The following THSD7A variants were observed in gnomAD, a reference collection of about 807,000 sequenced individuals.
The protein encoded by THSD7A is thrombospondin type 1 domain containing 7A.
Under a neutral mutation model 231.3 loss-of-function variants are expected in THSD7A, and 96 were observed. The observed-to-expected ratio is 0.41, with a 90% CI of 0.35 to 0.49. The LOEUF (loss-of-function observed/expected upper bound fraction) is 0.49, where lower values mean the gene tolerates loss of function less well. Among genes scored for constraint, THSD7A ranks in the 20% least tolerant of loss-of-function variants. THSD7A has a pLI of 0.05. For missense variants in THSD7A, 2,290 were observed against 2,070.2 expected (o/e 1.11, Z -2.06); for synonymous variants, 940 against 743.3 (o/e 1.26, Z -4.30).
intron 2 of THSD7A, among the ~76,000 whole-genome samples, chr7:11,624,815 T>C (rs1331425334): frequency 6.6e-6 from 1 of 152,146 alleles, no homozygotes; most frequent in East Asian, 1.9e-4. Context: ...CTAAACAGAA[T>C]TAAAGACATC....
Position 11,549,688 on chromosome 7 carries a change from A to G in THSD7A, c.1454-6571T>C, listed in dbSNP as rs1325343313. Reference sequence around the variant, plus strand: ...AAACTAACACAGGAAAAGAAAACCAATTACTTCATGTTTTCACTTATAAGT... The same window carrying G: ...AAACTAACACAGGAAAAGAAAACCAGTTACTTCATGTTTTCACTTATAAGT... On this transcript the variant is annotated intron_variant, in intron 4 of 27. Coordinates refer to ENST00000423059, the MANE Select transcript of THSD7A (RefSeq NM_015204.3). Among the ~76,000 whole-genome samples, 8 of 152,260 alleles carry G rather than the reference A, an allele frequency of 5.3e-5. No individual in the cohort carries two copies. The South Asian group carries it at 6.2e-4, about 12-fold the overall frequency.
intron 11 of THSD7A, among the ~76,000 whole-genome samples, chr7:11,451,727 G>T (rs180738035): frequency 7.2e-5 from 11 of 152,132 alleles, no homozygotes; most frequent in Non-Finnish European, 1.3e-4. Context: ...AGAGGACATG[G>T]ATATCTGTGT....
rs1781703445 is a variant in THSD7A, at chr7:11,632,838, T to C, written c.1022+3292A>G. Among the ~76,000 whole-genome samples, 1 of 152,224 alleles carries C rather than the reference T, an allele frequency of 6.6e-6. No homozygotes were observed. The highest frequency in any genetic ancestry group is 1.5e-5 in the Non-Finnish European group (1 of 68,040). ...TCGATGTGTGAATCAAGGTCTTCTT[T>C]TAATTTCAGGAAAGTCTTATCCTTG... is the stretch of plus-strand genomic sequence containing the variant. On this transcript the variant is annotated intron_variant, in intron 2 of 27. Transcript: ENST00000423059. The surrounding 1 kb of genome is among the most constrained non-coding windows in gnomAD (Gnocchi z 4.1).
At chr7:11,641,528 C>T (rs1782080983) in intron 1 of THSD7A, among the ~76,000 whole-genome samples, 1 of 152,018 alleles carries the variant, frequency 6.6e-6, no homozygotes, top group African/African-American at 2.4e-5. Flanking sequence ...ATTCCCATTT[C>T]AATAATATTC....
At chr7:11,489,198 A>AG (rs1786788684) in intron 6 of THSD7A, among the ~76,000 whole-genome samples, 1 of 152,106 alleles carries the variant, frequency 6.6e-6, no homozygotes, top group Admixed American at 6.6e-5. Flanking sequence ...GAGGGGAAAA[A>AG]GTGAACCTAA....
At chr7:11,567,709 G>A (rs1188597589) in intron 4 of THSD7A, among the ~76,000 whole-genome samples, 2 of 152,140 alleles carry the variant, frequency 1.3e-5, no homozygotes, top group African/African-American at 4.8e-5. Flanking sequence ...GGTAATTCCA[G>A]TGAAGAGATA....
At position 11,561,707 on chromosome 7, in the gene THSD7A, T is replaced by A. The variant is rs367903270; in HGVS notation, c.1454-18590A>T. ...CCAAATGGCAAAACCCCAACTCTACTAAAAATACAAAAATTAGCCGGGCAT... is the reference window on the plus strand; with the variant it reads ...CCAAATGGCAAAACCCCAACTCTACAAAAAATACAAAAATTAGCCGGGCAT... On this transcript the variant is annotated intron_variant, in intron 4 of 27. Transcript: ENST00000423059. Among the ~76,000 whole-genome samples, 216 of 152,034 alleles carry A rather than the reference T, an allele frequency of 1.4e-3. 1 individual carries two copies. The highest frequency in any genetic ancestry group is 2.0e-3 in the Non-Finnish European group (139 of 67,982).
chr7:11,528,780 T>G (rs562627359), intron 6 of THSD7A, among the ~76,000 whole-genome samples: 1 of 152,268 alleles, frequency 6.6e-6, no homozygotes, highest in African/African-American at 2.4e-5. Flanking sequence ...ATAAGAAATC[T>G]CATATTGAGA....
At chr7:11,738,042 TC>T (rs1211087077) in intron 1 of THSD7A, among the ~76,000 whole-genome samples, 1 of 151,986 alleles carries the variant, frequency 6.6e-6, no homozygotes, top group Non-Finnish European at 1.5e-5. Context: ...TCTATATCTA[TC>T]TATCTAATAG....
At chr7:11,584,818 T>A (rs1791326085) in intron 4 of THSD7A, among the ~76,000 whole-genome samples, 1 of 152,220 alleles carries the variant, frequency 6.6e-6, no homozygotes, top group South Asian at 2.1e-4. Context: ...CTAGATCATG[T>A]GTCCTCTATT....
chr7:11,551,338 CAAAT>C (rs1789618393), intron 4 of THSD7A, among the ~76,000 whole-genome samples: 1 of 152,136 alleles, frequency 6.6e-6, no homozygotes, highest in South Asian at 2.1e-4. Context: ...GAAAAATTGA[CAAAT>C]GAGACCTAAT....
chr7:11,667,383 C>A lies in THSD7A; in HGVS notation c.191-30422G>T, dbSNP rs1223214993. Among the ~76,000 whole-genome samples the A allele has an allele frequency of 3.9e-5, 6 of 152,142 alleles. No individual in the cohort carries two copies. The East Asian group carries it at 1.2e-3, about 29-fold the overall frequency. The stretch of plus-strand genomic sequence containing the variant: ...ATTCTTTTAGATTTTCTTGTGAAAT[C>A]AGTATTGCCTCAACCTACAACACGA... On this transcript the variant is annotated intron_variant, in intron 1 of 27. Transcript: ENST00000423059.
At chr7:11,726,994 CATGCACCACG>C (rs1781569767) in intron 1 of THSD7A, among the ~76,000 whole-genome samples, 1 of 151,982 alleles carries the variant, frequency 6.6e-6, no homozygotes, top group South Asian at 2.1e-4. Flanking sequence ...CGACGTGATA[CATGCACCACG>C]AACAGGCAGC....
chr7:11,586,899 C>T (rs1197935124), intron 4 of THSD7A, among the ~76,000 whole-genome samples: 6 of 152,062 alleles, frequency 3.9e-5, no homozygotes, highest in Non-Finnish European at 8.8e-5. Context: ...ATTATCTAGG[C>T]TGTCTTTCTT....
intron 1 of THSD7A, among the ~76,000 whole-genome samples, chr7:11,781,470 A>G (rs982049001): frequency 6.6e-6 from 1 of 152,064 alleles, no homozygotes; most frequent in African/African-American, 2.4e-5. Flanking sequence ...AAGCAAACAA[A>G]AAAGAAGACG....
chr7:11,480,848 A>G (rs1169182760), intron 7 of THSD7A, among the ~76,000 whole-genome samples: 1 of 152,174 alleles, frequency 6.6e-6, no homozygotes, highest in Non-Finnish European at 1.5e-5. Flanking sequence ...AACTCCCCCC[A>G]AATCGATAAT....
Position 11,544,645 on chromosome 7 carries a change from A to G in THSD7A, c.1454-1528T>C, listed in dbSNP as rs549224971. On this transcript the variant is annotated intron_variant, in intron 4 of 27. Transcript: ENST00000423059. The stretch of plus-strand genomic sequence containing the variant: ...CAAATTGTAAGCACTTTTACATCCT[A>G]TAAGTTTTCACACACACGAGCACAC... 7.2e-5 allele frequency among the ~76,000 whole-genome samples: 11 copies of G among 152,308 alleles called. No homozygotes were observed. The East Asian group carries it at 1.2e-3, about 16-fold the overall frequency.
rs1163335049 is a variant in THSD7A, at chr7:11,637,569, C to A, written c.191-608G>T. On this transcript the variant is annotated intron_variant, in intron 1 of 27. Transcript: ENST00000423059. This position sits in a 1 kb window ranked among gnomAD's most constrained non-coding sequence, Gnocchi z 4.2. ...AAATCTTCATTTACACACATTCTGC[C>A]TTTAAATTTACCAAATTTCCCCCCC... 1.4e-5 allele frequency among the ~76,000 whole-genome samples: 2 copies of A among 144,282 alleles called. No individual in the cohort carries two copies. The highest frequency in any genetic ancestry group is 5.2e-5 in the African/African-American group (2 of 38,820). The allele number at this position is 144,282 out of a possible 152,430, so 94.7% of individuals were successfully genotyped here. A position where few individuals can be genotyped will look rare whatever the true frequency, so the allele number is the denominator to read the frequency against.
At chr7:11,485,536 A>C (rs142219974) in intron 6 of THSD7A, among the ~76,000 whole-genome samples, 105 of 152,328 alleles carry the variant, frequency 6.9e-4, no homozygotes, top group African/African-American at 2.3e-3. Context: ...TTTTGACATC[A>C]GTATTACTAT....
Sources: gnomAD v4.1 joint callset for allele counts (sites outside exome capture counted in the v4.1 genomes callset) on GRCh38, gnomAD v4.1.1 for gene constraint, Gnocchi (gnomAD v3.1) non-coding constraint, MANE v1.5 for transcripts, NCBI Gene and HGNC (gene_info 2026-07-23, HGNC 2026-07-21) for gene names.